Variants in FRAS1 observed in about 807,000 individuals in gnomAD.
FRAS1 encodes the protein Fraser extracellular matrix complex subunit 1, also known as extracellular matrix organizing protein FRAS1.
A neutral mutation model predicts 435.2 loss-of-function variants in FRAS1; 290 were observed. The observed-to-expected ratio is 0.67, with a 90% CI of 0.61 to 0.73. The LOEUF (loss-of-function observed/expected upper bound fraction) is 0.73, where lower values mean the gene tolerates loss of function less well. FRAS1 is among the 30% of genes least tolerant of loss of function. The pLI, the probability that FRAS1 is intolerant of heterozygous loss-of-function variation, is 0.00. For synonymous variants in FRAS1, 1,800 were observed against 1,851.0 expected (o/e 0.97, Z 0.71); for missense variants, 4,860 against 5,001.5 (o/e 0.97, Z 0.85).
chr4:78,243,755 AAGTT>A (rs1458051580), intron 3 of FRAS1, among the ~76,000 whole-genome samples: 8 of 152,024 alleles, frequency 5.3e-5, no homozygotes, highest in Non-Finnish European at 1.0e-4. Context: ...CTAAATCTGA[AAGTT>A]AGCTTTTATG....
chr4:78,413,433 GC>G (rs1295784885), intron 32 of FRAS1, among the ~76,000 whole-genome samples: 4 of 152,080 alleles, frequency 2.6e-5, no homozygotes, highest in African/African-American at 9.7e-5. Flanking sequence ...CCCAGTTATG[GC>G]ACCACCTAGC....
At chr4:78,436,881 A>G (rs1047646072) in intron 38 of FRAS1, among the ~76,000 whole-genome samples, 30 of 152,216 alleles carry the variant, frequency 2.0e-4, no homozygotes, top group Non-Finnish European at 1.2e-4. Context: ...CATAAATGTT[A>G]GTTATTCTCA....
intron 50 of FRAS1, among the ~76,000 whole-genome samples, chr4:78,466,987 A>C (rs999784299): frequency 6.6e-6 from 1 of 152,148 alleles, no homozygotes; most frequent in Non-Finnish European, 1.5e-5. Flanking sequence ...TATGGGGTAC[A>C]TGAGATGTTT....
At chr4:78,227,222 A>G (rs538318821) in intron 2 of FRAS1, among the ~76,000 whole-genome samples, 74 of 152,320 alleles carry the variant, frequency 4.9e-4, no homozygotes, top group African/African-American at 1.7e-3. Flanking sequence ...TAGAGTTAGG[A>G]TATATAATCA....
At chr4:78,133,958 TTTTTTTTG>T (rs899026152) in intron 2 of FRAS1, among the ~76,000 whole-genome samples, 5 of 140,406 alleles carry the variant, frequency 3.6e-5, no homozygotes, top group African/African-American at 1.3e-4. Context: ...ACTAGGTTTT[TTTTTTTTG>T]TTTTTTTTTT....
chr4:78,396,606 T>C (rs28685810), intron 29 of FRAS1, among the ~76,000 whole-genome samples: 21,235 of 152,220 alleles, frequency 0.14, 1,868 homozygotes, highest in African/African-American at 0.25. Flanking sequence ...TGATAGCTTT[T>C]TGCCCTTTGC....
chr4:78,181,814 C>T, intron 2 of FRAS1: 11 of 1,612,118 alleles, frequency 6.8e-6, no homozygotes, highest in Admixed American at 3.3e-5. Flanking sequence ...CGGGTTCTTG[C>T]GGTCTTTCTG....
Position 78,472,206 on chromosome 4 carries a change from A to ACTG in FRAS1, c.7402_7404dup (p.Leu2468dup). On this transcript the variant is annotated inframe_insertion, in exon 52 of 74. Transcript: ENST00000512123. ...CAACCAACCTGATCACCAAGAAGGAACTGCTGACCATGGACCCAGACACCG... is the reference window on the plus strand; with the variant it reads ...CAACCAACCTGATCACCAAGAAGGAACTGCTGCTGACCATGGACCCAGACACCG... The ACTG allele has an allele frequency of 6.2e-7, 1 of 1,613,914 alleles. No individual in the cohort carries two copies. The highest frequency in any genetic ancestry group is 1.1e-5 in the South Asian group (1 of 91,074).
chr4:78,407,714 G>C lies in FRAS1; in HGVS notation c.4181G>C (p.Gly1394Ala), dbSNP rs376487875. ...CCTGCAGACAGCCCTGCAGATGAAG[G>C]GCAGCACCTGCCTGATGGGAGGACA... The part of the protein sequence containing the change: ...NMPADSPADE[G>A]QHLPDGRTAT... The change falls in exon 31 of 74, where the codon GGG (glycine) becomes GCG (alanine). Residue 1394 changes from glycine to alanine, a missense_variant. Gly to Ala is a moderately conservative substitution (Grantham distance 60). Coordinates refer to ENST00000512123, the MANE Select transcript of FRAS1 (RefSeq NM_025074.7). 2.4e-4 allele frequency: 381 copies of C among 1,613,744 alleles called. 3 individuals carry two copies. Among genetic ancestry groups the C allele is most frequent in the South Asian group, 2.1e-3 (188 of 91,040 alleles).
At chr4:78,100,551 C>T (rs1189045925) in intron 2 of FRAS1, among the ~76,000 whole-genome samples, 4 of 152,196 alleles carry the variant, frequency 2.6e-5, no homozygotes, top group African/African-American at 7.2e-5. Flanking sequence ...CAAATACTTC[C>T]AGGCAGGGAC....
At chr4:78,182,858 T>G (rs1578171715) in intron 2 of FRAS1, among the ~76,000 whole-genome samples, 8 of 120,816 alleles carry the variant, frequency 6.6e-5, no homozygotes, top group East Asian at 2.3e-4. Context: ...CCAGCCTGGG[T>G]GGCAGAGGGA....
chr4:78,469,496 A>G (rs1364394231), intron 50 of FRAS1, among the ~76,000 whole-genome samples: 1 of 152,252 alleles, frequency 6.6e-6, no homozygotes, highest in Non-Finnish European at 1.5e-5. Flanking sequence ...AAAAAAAAGA[A>G]AATATCTTCC....
chr4:78,449,908 A>T (rs983236088), intron 44 of FRAS1, among the ~76,000 whole-genome samples: 16 of 152,176 alleles, frequency 1.1e-4, no homozygotes, highest in Non-Finnish European at 1.6e-4. Flanking sequence ...AGAGAATGAA[A>T]ATGGATCAGA....
At chr4:78,356,352 C>T (rs944643565) in intron 20 of FRAS1, among the ~76,000 whole-genome samples, 2 of 152,092 alleles carry the variant, frequency 1.3e-5, no homozygotes, top group African/African-American at 4.8e-5. Flanking sequence ...ACCTTTTCCC[C>T]CCTCTAACAA....
chr4:78,341,809 C>T (rs540581724), intron 20 of FRAS1, among the ~76,000 whole-genome samples: 91 of 152,134 alleles, frequency 6.0e-4, no homozygotes, highest in African/African-American at 2.2e-3. Context: ...TGGCCAAGCT[C>T]AATTTGGGGT....
In FRAS1 at chr4:78,519,189, G is replaced by A. The variant is rs536516077; in HGVS notation, c.10390-142G>A. ...CCTTTATTTTTTTAAATAAGTAAGT[G>A]CAATCATGGGCACTTGCTTAATAAT... On this transcript the variant is annotated intron_variant, in intron 66 of 73. Transcript: ENST00000512123. 90 of 603,926 alleles carry A rather than the reference G, an allele frequency of 1.5e-4. No individual in the cohort carries two copies. The African/African-American group carries it at 1.5e-3, about 10-fold the overall frequency. The allele number at this position is 603,926 out of a possible 1,614,324, so 37.4% of individuals were successfully genotyped here.
chr4:78,429,312 A>G, intron 36 of FRAS1, 86 bp downstream of exon 36: 1 of 1,461,310 alleles, frequency 6.8e-7, no homozygotes, highest in Non-Finnish European at 9.1e-7. Flanking sequence ...TGGTTGCCAA[A>G]AAAGCAAACT....
chr4:78,172,780 A>G (rs17003017), intron 2 of FRAS1, among the ~76,000 whole-genome samples: 3,341 of 151,662 alleles, frequency 0.022, 119 homozygotes, highest in African/African-American at 0.077. Flanking sequence ...ACCTCTTTCC[A>G]TTAATTTTAT....
intron 2 of FRAS1, among the ~76,000 whole-genome samples, chr4:78,098,226 G>T (rs1741916684): frequency 6.6e-6 from 1 of 151,114 alleles, no homozygotes; most frequent in Non-Finnish European, 1.5e-5. Flanking sequence ...GCCACTCTGG[G>T]TTCCCACTGT....
Sources: allele counts gnomAD v4.1 joint callset (sites outside exome capture counted in the v4.1 genomes callset), GRCh38; gene constraint gnomAD v4.1.1; transcripts MANE v1.5; gene names NCBI Gene and HGNC (gene_info 2026-07-23, HGNC 2026-07-21).